PTCHD4: variants seen among roughly 807,000 people sequenced by gnomAD.
The protein encoded by PTCHD4 is patched domain-containing protein 4.
In PTCHD4, 33 loss-of-function variants were observed where a neutral mutation model predicts 58.1. The ratio of observed to expected loss-of-function variants is 0.57; its 90% CI spans 0.43 to 0.76. The LOEUF is 0.76. Among genes scored for constraint, PTCHD4 ranks in the 30% least tolerant of loss-of-function variants. PTCHD4 has a pLI of 0.00. For synonymous variants in PTCHD4, 478 were observed against 409.6 expected (o/e 1.17, Z -2.02); for missense variants, 1,058 against 1,027.1 (o/e 1.03, Z -0.41).
At chr6:48,061,249 GTT>G in intron 3 of PTCHD4, among the ~76,000 whole-genome samples, 1 of 152,010 alleles carries the variant, frequency 6.6e-6, no homozygotes, top group Non-Finnish European at 1.5e-5. Flanking sequence ...AATTTCAACA[GTT>G]TTAGAAAATA....
Position 48,009,028 on chromosome 6 carries a change from T to C in PTCHD4, c.504A>G (p.Arg168=), listed in dbSNP as rs746178998. The C allele has an allele frequency of 6.2e-7, 1 of 1,613,950 alleles. No homozygotes were observed. The highest frequency in any genetic ancestry group is 8.5e-7 in the Non-Finnish European group (1 of 1,179,884). Residue 168 remains arginine (R), a synonymous_variant, in exon 4 of 5, where the codon AGA becomes AGG. Coordinates refer to ENST00000339488, the MANE Select transcript of PTCHD4 (RefSeq NM_001384253.1). The part of the protein sequence containing the change: ...NSKDQRVKSA[R]AIQITYYLQT... ...GGAGGTAGTAGGTGATTTGAATGGCTCTGGCTGACTTGACCCGCTGATCTT... is the reference window on the plus strand; with the variant it reads ...GGAGGTAGTAGGTGATTTGAATGGCCCTGGCTGACTTGACCCGCTGATCTT...
At chr6:47,929,414 G>A (rs1202458609) in intron 4 of PTCHD4, among the ~76,000 whole-genome samples, 1 of 152,048 alleles carries the variant, frequency 6.6e-6, no homozygotes, top group Non-Finnish European at 1.5e-5. Context: ...AATAGAGAAG[G>A]GTATCTGATA....
At chr6:47,963,847 C>T (rs1387570499) in intron 4 of PTCHD4, among the ~76,000 whole-genome samples, 1 of 152,168 alleles carries the variant, frequency 6.6e-6, no homozygotes, top group Non-Finnish European at 1.5e-5. Flanking sequence ...AACTTTACTG[C>T]TGTAGTAGGG....
In PTCHD4 at chr6:47,901,992, C is replaced by T. The variant is rs192165219; in HGVS notation, c.899-22056G>A. 1.3e-5 allele frequency: 14 copies of T among 1,114,636 alleles called. No individual in the cohort carries two copies. In the African/African-American group the frequency reaches 1.5e-4, roughly 12 times the overall value. 69.0% of individuals were successfully genotyped at this position (1,114,636 alleles called of 1,614,324 possible). A position where few individuals can be genotyped will look rare whatever the true frequency, so the allele number is the denominator to read the frequency against. On this transcript the variant is annotated intron_variant, in intron 4 of 4. Transcript: ENST00000339488. ...GAGTTATGTTATATTTCTAGCCTCA[C>T]TCATATTTCCCACTTAGTATAGTAA...
chr6:48,041,517 A>G (rs1763847925), intron 3 of PTCHD4, among the ~76,000 whole-genome samples: 1 of 152,050 alleles, frequency 6.6e-6, no homozygotes, highest in Non-Finnish European at 1.5e-5. Flanking sequence ...TAGCCCTCTC[A>G]CAGAACTTCC....
chr6:48,091,977 GTACACACATACACATACACACACACACA>G (rs1163014552), intron 1 of PTCHD4, among the ~76,000 whole-genome samples: 4 of 151,340 alleles, frequency 2.6e-5, no homozygotes, highest in African/African-American at 9.7e-5. Flanking sequence ...CAGATTAAGA[GTACACACATACACATACACACACACACA>G]TACACACACA....
intron 3 of PTCHD4, among the ~76,000 whole-genome samples, chr6:48,022,840 T>C (rs1210804322): frequency 6.6e-6 from 1 of 152,164 alleles, no homozygotes; most frequent in African/African-American, 2.4e-5. Context: ...CACCTGATAA[T>C]TTAACTTATT....
At position 47,882,741 on chromosome 6, in the gene PTCHD4, G is replaced by GAGAT. The variant is rs143060584; in HGVS notation, c.899-2806_899-2805insATCT. Among the ~76,000 whole-genome samples, 21 of 102,442 alleles carry GAGAT rather than the reference G, an allele frequency of 2.0e-4. 1 individual carries two copies. The highest frequency in any genetic ancestry group is 2.0e-3 in the South Asian group (6 of 2,950). 67.2% of individuals were successfully genotyped at this position (102,442 alleles called of 152,430 possible). On this transcript the variant is annotated intron_variant, in intron 4 of 4. Coordinates refer to ENST00000339488, the MANE Select transcript of PTCHD4 (RefSeq NM_001384253.1). ...TGAATCCATTTCTAATGATTCCAGT[G>GAGAT]ATATATATATATATATTCCTTAAAT...
intron 1 of PTCHD4, among the ~76,000 whole-genome samples, chr6:48,071,361 A>G (rs933356455): frequency 1.3e-5 from 2 of 152,212 alleles, no homozygotes; most frequent in Non-Finnish European, 2.9e-5. Flanking sequence ...TTATAATGGC[A>G]TGGAAATACA....
At chr6:48,053,144 C>T (rs1764292455) in intron 3 of PTCHD4, among the ~76,000 whole-genome samples, 1 of 152,042 alleles carries the variant, frequency 6.6e-6, no homozygotes, top group Non-Finnish European at 1.5e-5. Flanking sequence ...CTCAGGTTTG[C>T]TAAAACTAGT....
intron 4 of PTCHD4, among the ~76,000 whole-genome samples, chr6:48,000,761 G>T (rs1042723779): frequency 6.6e-6 from 1 of 152,164 alleles, no homozygotes; most frequent in Non-Finnish European, 1.5e-5. Context: ...TCTATGAAAT[G>T]ACTCCACTTA....
chr6:47,944,968 G>A (rs1201863129), intron 4 of PTCHD4, among the ~76,000 whole-genome samples: 2 of 152,062 alleles, frequency 1.3e-5, no homozygotes, highest in Admixed American at 6.6e-5. Flanking sequence ...GTGGATAAAT[G>A]TAGAGTCATG....
intron 4 of PTCHD4, among the ~76,000 whole-genome samples, chr6:47,909,176 A>G (rs897579288): frequency 6.6e-6 from 1 of 152,188 alleles, no homozygotes; most frequent in African/African-American, 2.4e-5. Context: ...TGAGATAAAA[A>G]TTATTATTGT....
At chr6:47,893,368 A>C (rs1436116755) in intron 4 of PTCHD4, among the ~76,000 whole-genome samples, 1 of 152,212 alleles carries the variant, frequency 6.6e-6, no homozygotes, top group Non-Finnish European at 1.5e-5. Flanking sequence ...TAGTCCTGAC[A>C]AAAAGAAAAG....
intron 4 of PTCHD4, among the ~76,000 whole-genome samples, chr6:47,906,940 A>G (rs1044212975): frequency 5.3e-5 from 8 of 152,344 alleles, no homozygotes; most frequent in Middle Eastern, 3.4e-3. Context: ...CTTAATCATA[A>G]GTCAGTTTAG....
At chr6:48,045,159 C>T (rs946009292) in intron 3 of PTCHD4, among the ~76,000 whole-genome samples, 1 of 151,768 alleles carries the variant, frequency 6.6e-6, no homozygotes. Flanking sequence ...CCCTCTGGCT[C>T]CAGTCGGCCC....
intron 1 of PTCHD4, among the ~76,000 whole-genome samples, chr6:48,108,155 C>T (rs1483527317): frequency 2.6e-5 from 4 of 152,202 alleles, no homozygotes; most frequent in African/African-American, 4.8e-5. Flanking sequence ...TGCACATGTA[C>T]GTTTATTGCA....
chr6:47,895,406 A>G (rs1764502491), intron 4 of PTCHD4, among the ~76,000 whole-genome samples: 2 of 152,210 alleles, frequency 1.3e-5, no homozygotes, highest in South Asian at 4.1e-4. Flanking sequence ...CCTAGGTTTC[A>G]GAAATTTTAA....
chr6:47,964,787 CT>C (rs1242234166), intron 4 of PTCHD4, among the ~76,000 whole-genome samples: 1 of 152,102 alleles, frequency 6.6e-6, no homozygotes, highest in African/African-American at 2.4e-5. Flanking sequence ...AGTGTATTTG[CT>C]TGCTTGAGAG....
Sources: allele counts gnomAD v4.1 joint callset (sites outside exome capture counted in the v4.1 genomes callset), GRCh38; gene constraint gnomAD v4.1.1; transcripts MANE v1.5; gene names NCBI Gene and HGNC (gene_info 2026-07-23, HGNC 2026-07-21).